Variants in OR1I1 observed in about 807,000 individuals in gnomAD.
OR1I1 encodes the protein olfactory receptor family 1 subfamily I member 1.
For missense variants in OR1I1, 451 were observed against 443.6 expected, an observed-to-expected ratio of 1.02 and a Z score of -0.15; for synonymous variants, 171 against 181.4, an observed-to-expected ratio of 0.94 and a Z score of 0.46.
chr19:15,084,533 G>C (rs549652810), intron 1 of OR1I1, among the ~76,000 whole-genome samples: 1 of 152,132 alleles, frequency 6.6e-6, no homozygotes, highest in Admixed American at 6.6e-5. Flanking sequence ...ACTCCAGCTT[G>C]GGTGACAGAG....
chr19:15,083,111 T>C (rs1180015364), intron 1 of OR1I1, among the ~76,000 whole-genome samples: 3 of 152,010 alleles, frequency 2.0e-5, no homozygotes, highest in African/African-American at 7.2e-5. Flanking sequence ...TCCAGCTAAT[T>C]TTTTATTTTG....
At position 15,088,164 on chromosome 19, in the gene OR1I1, A is replaced by T. The variant is rs1474656727; in HGVS notation, c.*31A>T. On this transcript the variant is annotated 3_prime_UTR_variant, in exon 2 of 2. Coordinates refer to ENST00000641398, the MANE Select transcript of OR1I1 (RefSeq NM_001004713.2). ...TCCAGTACAACGTGATAAATGTGTC[A>T]TAAAGAGATGAACAAAGTGTATGAG... 2 of 1,516,104 alleles carry T rather than the reference A, an allele frequency of 1.3e-6. No homozygotes were observed. The highest frequency in any genetic ancestry group is 4.9e-5 in the East Asian group (2 of 40,588). 93.9% of individuals were successfully genotyped at this position (1,516,104 alleles called of 1,614,324 possible). A position where few individuals can be genotyped will look rare whatever the true frequency, so the allele number is the denominator to read the frequency against.
rs1280352732 is a variant in OR1I1 at position 15,089,719 on chromosome 19, C to G, written c.*1586C>G. 6.6e-6 allele frequency: 1 copy of G among 152,006 alleles called. No individual in the cohort carries two copies. The highest frequency in any genetic ancestry group is 1.5e-5 in the Non-Finnish European group (1 of 68,026). The allele number at this position is 152,006 out of a possible 1,614,324, so 9.4% of individuals were successfully genotyped here. The stretch of plus-strand genomic sequence containing the variant: ...GGGTGTGGTGGTGTGCACCTGTCAT[C>G]TTAGTTACTCGGGAGGCTGAGACAG... On this transcript the variant is annotated 3_prime_UTR_variant, in exon 2 of 2. Coordinates refer to ENST00000641398, the MANE Select transcript of OR1I1 (RefSeq NM_001004713.2).
At position 15,087,546 on chromosome 19, in the gene OR1I1, T is replaced by G; in HGVS notation, c.481T>G (p.Cys161Gly). ...ITNLQSLIHT[C>G]LMAQLTFCAG... Reference sequence around the variant, plus strand: ...CAACCTCCAGTCTCTCATACACACCTGCCTCATGGCTCAACTGACCTTCTG... The same window carrying G: ...CAACCTCCAGTCTCTCATACACACCGGCCTCATGGCTCAACTGACCTTCTG... Residue 161 changes from cysteine to glycine, a missense_variant, in exon 2 of 2, where the codon TGC becomes GGC. Cys to Gly is a radical substitution (Grantham distance 159, BLOSUM62 -3). Coordinates refer to ENST00000641398, the MANE Select transcript of OR1I1 (RefSeq NM_001004713.2). 1.2e-6 allele frequency: 2 copies of G among 1,614,156 alleles called. No homozygotes were observed. The highest frequency in any genetic ancestry group is 3.3e-5 in the Admixed American group (2 of 60,016).
At chr19:15,083,502 A>G (rs1301121001) in intron 1 of OR1I1, among the ~76,000 whole-genome samples, 1 of 152,234 alleles carries the variant, frequency 6.6e-6, no homozygotes, top group Non-Finnish European at 1.5e-5. Context: ...TGTTACAAAT[A>G]TGTTGCCAGG....
chr19:15,082,291 T>A lies in OR1I1; in HGVS notation c.-14+15T>A, dbSNP rs957276884. 1 of 152,162 alleles carries A rather than the reference T, an allele frequency of 6.6e-6. No individual in the cohort carries two copies. The highest frequency in any genetic ancestry group is 2.4e-5 in the African/African-American group (1 of 41,394). 9.4% of individuals were successfully genotyped at this position (152,162 alleles called of 1,614,324 possible). A position where few individuals can be genotyped will look rare whatever the true frequency, so the allele number is the denominator to read the frequency against. Reference sequence around the variant, plus strand: ...AGCGATCACAGGTGAGTAGCCCCCATGCCCTTCCTAGGGGTTTAGTGCTGA... The same window carrying A: ...AGCGATCACAGGTGAGTAGCCCCCAAGCCCTTCCTAGGGGTTTAGTGCTGA... On this transcript the variant is annotated intron_variant, in intron 1 of 1. Transcript: ENST00000641398.
chr19:15,087,644 C>T lies in OR1I1; in HGVS notation c.579C>T (p.His193=). 6.2e-7 allele frequency: 1 copy of T among 1,614,208 alleles called. No individual in the cohort carries two copies. Among genetic ancestry groups the T allele is most frequent in the Non-Finnish European group, 8.5e-7 (1 of 1,180,038 alleles). ...TGAAGCTCTCCGGCTCAGACACGCA[C>T]ACCAACGAGCTGGTGATCTTTGCTT... The part of the protein sequence containing the change: ...PLLKLSGSDT[H]TNELVIFAFG... The change falls in exon 2 of 2, where the codon CAC becomes CAT. Residue 193 remains histidine (H), a synonymous_variant. Transcript: ENST00000641398.
rs1002436661 is a variant in OR1I1 at position 15,092,672 on chromosome 19, G to A, written c.*4539G>A. 1 of 152,118 alleles carries A rather than the reference G, an allele frequency of 6.6e-6. No homozygotes were observed. The highest frequency in any genetic ancestry group is 1.5e-5 in the Non-Finnish European group (1 of 68,040). The allele number at this position is 152,118 out of a possible 1,614,324, so 9.4% of individuals were successfully genotyped here. A position where few individuals can be genotyped will look rare whatever the true frequency, so the allele number is the denominator to read the frequency against. Reference sequence around the variant, plus strand: ...GTACATGTCATACCTTGTAGCCTTTGGGTTTGTTTTCAACCACTTTTAAAA... The same window carrying A: ...GTACATGTCATACCTTGTAGCCTTTAGGTTTGTTTTCAACCACTTTTAAAA... On this transcript the variant is annotated 3_prime_UTR_variant, in exon 2 of 2. Transcript: ENST00000641398.
intron 1 of OR1I1, among the ~76,000 whole-genome samples, chr19:15,082,704 A>G (rs1362642463): frequency 7.1e-6 from 1 of 140,698 alleles, no homozygotes. Flanking sequence ...ACTATCTAGA[A>G]GTGCTGGTTC....
chr19:15,085,765 A>G (rs2046228028), intron 1 of OR1I1, among the ~76,000 whole-genome samples: 1 of 152,096 alleles, frequency 6.6e-6, no homozygotes, highest in South Asian at 2.1e-4. Context: ...AATTCCACAT[A>G]TAAGTGAGAC....
Position 15,090,883 on chromosome 19 carries a change from C to T in OR1I1, c.*2750C>T, listed in dbSNP as rs2046253769. 1 of 152,248 alleles carries T rather than the reference C, an allele frequency of 6.6e-6. No homozygotes were observed. Among genetic ancestry groups the T allele is most frequent in the Non-Finnish European group, 1.5e-5 (1 of 68,056 alleles). The allele number at this position is 152,248 out of a possible 1,614,324, so 9.4% of individuals were successfully genotyped here. On this transcript the variant is annotated 3_prime_UTR_variant, in exon 2 of 2. Transcript: ENST00000641398. ...GGGATTGCAGGTGTAAACCACCACA[C>T]TCGGCCTGATTTGTGGTACTTTGTT... is the stretch of plus-strand genomic sequence containing the variant.
intron 1 of OR1I1, among the ~76,000 whole-genome samples, chr19:15,084,514 C>T (rs531538685): frequency 5.2e-4 from 79 of 152,028 alleles, no homozygotes; most frequent in Non-Finnish European, 1.0e-3. Context: ...GCCAAGATCG[C>T]GCCACTGCAC....
In OR1I1 at chr19:15,091,896, G is replaced by C. The variant is rs1413393973; in HGVS notation, c.*3763G>C. The stretch of plus-strand genomic sequence containing the variant: ...TTTGAGCATCACTGGGCTAGATGGG[G>C]GTCCTGTAGATAACCGGGACCCAAA... On this transcript the variant is annotated 3_prime_UTR_variant, in exon 2 of 2. Transcript: ENST00000641398. The C allele has an allele frequency of 6.6e-6, 1 of 151,222 alleles. No homozygotes were observed. The highest frequency in any genetic ancestry group is 1.5e-5 in the Non-Finnish European group (1 of 67,874). The allele number at this position is 151,222 out of a possible 1,614,324, so 9.4% of individuals were successfully genotyped here.
At chr19:15,084,170 G>A (rs2046219774) in intron 1 of OR1I1, among the ~76,000 whole-genome samples, 1 of 152,206 alleles carries the variant, frequency 6.6e-6, no homozygotes, top group Non-Finnish European at 1.5e-5. Context: ...TGCAAGCTGA[G>A]TGCCCCTGGC....
chr19:15,085,151 TATA>T (rs2046223911), intron 1 of OR1I1, among the ~76,000 whole-genome samples: 4 of 42,744 alleles, frequency 9.4e-5, no homozygotes, highest in African/African-American at 3.8e-4. Context: ...TATATATATA[TATA>T]TATATATATA....
rs1342011268 is a variant in OR1I1, at chr19:15,087,613, C to A, written c.548C>A (p.Pro183His). 4 of 1,614,108 alleles carry A rather than the reference C, an allele frequency of 2.5e-6. No individual in the cohort carries two copies. Among genetic ancestry groups the A allele is most frequent in the Non-Finnish European group, 1.7e-6 (2 of 1,180,048 alleles). The change falls in exon 2 of 2, where the codon CCC (proline) becomes CAC (histidine). Residue 183 changes from proline (P) to histidine (H), a missense_variant. Pro to His is a moderately conservative substitution (Grantham distance 77). Transcript: ENST00000641398. The part of the protein sequence containing the change: ...EISHFFCDLM[P>H]LLKLSGSDTH... ...TCCCACTTCTTCTGTGACCTCATGC[C>A]CCTGCTGAAGCTCTCCGGCTCAGAC...
rs1555717821 is a variant in OR1I1 at position 15,088,951 on chromosome 19, T to TGTTAGATA, written c.*819_*820insTTAGATAG. On this transcript the variant is annotated 3_prime_UTR_variant, in exon 2 of 2. Transcript: ENST00000641398. ...TAGATAGATCATATAAGTAGATAGA[T>TGTTAGATA]GATAGATAGATAGATAGATAGATAG... 6.9e-6 allele frequency: 1 copy of TGTTAGATA among 145,854 alleles called. No homozygotes were observed. Among genetic ancestry groups the TGTTAGATA allele is most frequent in the Non-Finnish European group, 1.5e-5 (1 of 66,768 alleles). The allele number at this position is 145,854 out of a possible 1,614,324, so 9.0% of individuals were successfully genotyped here.
At chr19:15,086,194 A>G (rs2046229488) in intron 1 of OR1I1, among the ~76,000 whole-genome samples, 1 of 152,018 alleles carries the variant, frequency 6.6e-6, no homozygotes, top group East Asian at 1.9e-4. Flanking sequence ...CGTGCCTGTA[A>G]TCCCCGCTAC....
rs373068595 is a variant in OR1I1, at chr19:15,090,814, T to G, written c.*2681T>G. The G allele has an allele frequency of 1.3e-5, 2 of 152,456 alleles. No individual in the cohort carries two copies. The highest frequency in any genetic ancestry group is 4.8e-5 in the African/African-American group (2 of 41,550). The allele number at this position is 152,456 out of a possible 1,614,324, so 9.4% of individuals were successfully genotyped here. The stretch of plus-strand genomic sequence containing the variant: ...TATGTTGCCCAGGCTGGTCTCAAAC[T>G]CCCGGCCTCAAGAGATCTGCCCTCC... On this transcript the variant is annotated 3_prime_UTR_variant, in exon 2 of 2. Coordinates refer to ENST00000641398, the MANE Select transcript of OR1I1 (RefSeq NM_001004713.2).
Sources: gnomAD v4.1 joint callset for allele counts (sites outside exome capture counted in the v4.1 genomes callset) on GRCh38, gnomAD v4.1.1 for gene constraint, MANE v1.5 for transcripts, NCBI Gene and HGNC (gene_info 2026-07-23, HGNC 2026-07-21) for gene names.